The following CPM variants were observed in gnomAD, a reference collection of about 807,000 sequenced individuals.
CPM encodes renal carboxypeptidase.
Under a neutral mutation model 46.4 loss-of-function variants are expected in CPM, and 35 were observed. The observed-to-expected ratio is 0.75, with a 90% CI of 0.58 to 1.00. The LOEUF (loss-of-function observed/expected upper bound fraction) is 1.00, where lower values mean the gene tolerates loss of function less well. CPM is among the 50% of genes least tolerant of loss of function. The pLI is 0.00. For synonymous variants in CPM, 195 were observed against 195.3 expected (o/e 1.00, Z 0.01); for missense variants, 422 against 530.4 (o/e 0.80, Z 2.01).
chr12:68,900,196 A>G (rs1418164074), intron 2 of CPM, among the ~76,000 whole-genome samples: 2 of 152,260 alleles, frequency 1.3e-5, no homozygotes, highest in African/African-American at 4.8e-5. Context: ...AAACAACTCA[A>G]TTAAAAAATG....
intron 1 of CPM, among the ~76,000 whole-genome samples, chr12:68,958,970 C>T (rs796981918): frequency 3.9e-5 from 6 of 152,184 alleles, no homozygotes; most frequent in South Asian, 2.1e-4. Flanking sequence ...CCTTCTTATT[C>T]GGGTTTCAAC....
upstream of CPM, among the ~76,000 whole-genome samples, chr12:68,935,204 C>T (rs1888653713): frequency 6.6e-6 from 1 of 151,504 alleles, no homozygotes; most frequent in South Asian, 2.1e-4. Flanking sequence ...GCCACCGTGC[C>T]TGGCCATCTT....
chr12:68,889,272 T>C (rs1295329938), intron 2 of CPM, among the ~76,000 whole-genome samples: 2 of 152,242 alleles, frequency 1.3e-5, no homozygotes, highest in Non-Finnish European at 2.9e-5. Flanking sequence ...AGTATACTTC[T>C]AATCCACCTT....
intron 2 of CPM, among the ~76,000 whole-genome samples, chr12:68,920,317 G>T (rs1646023389): frequency 6.6e-6 from 1 of 152,114 alleles, no homozygotes; most frequent in Non-Finnish European, 1.5e-5. Context: ...GTTAAACAAT[G>T]GGAAAACTGC....
chr12:68,895,622 C>T lies in CPM; in HGVS notation c.161-9733G>A, dbSNP rs188565231. On this transcript the variant is annotated intron_variant, in intron 2 of 8. Coordinates refer to ENST00000551568, the MANE Select transcript of CPM (RefSeq NM_198320.5). ...CTTATTGCTGATACCTGTGCTTTTTCAGATAGGGGTTCCCAGAACCATAAA... is the reference window on the plus strand; with the variant it reads ...CTTATTGCTGATACCTGTGCTTTTTTAGATAGGGGTTCCCAGAACCATAAA... Among the ~76,000 whole-genome samples, 429 of 152,254 alleles carry T rather than the reference C, an allele frequency of 2.8e-3. 3 individuals are homozygous for T. The highest frequency in any genetic ancestry group is 0.01 in the African/African-American group (416 of 41,544).
intron 1 of CPM, among the ~76,000 whole-genome samples, chr12:68,949,272 G>A (rs1565809567): frequency 6.6e-6 from 1 of 152,206 alleles, no homozygotes; most frequent in Non-Finnish European, 1.5e-5. Context: ...TCAGGGGGCT[G>A]AGGCAAGAGG....
intron 2 of CPM, among the ~76,000 whole-genome samples, chr12:68,925,310 A>G (rs987957525): frequency 1.6e-4 from 24 of 152,314 alleles, no homozygotes; most frequent in Admixed American, 1.2e-3. Flanking sequence ...TAATAATAGC[A>G]GCTTTTACAT....
intron 2 of CPM, among the ~76,000 whole-genome samples, chr12:68,914,364 G>A (rs1382536747): frequency 6.6e-6 from 1 of 150,518 alleles, no homozygotes; most frequent in African/African-American, 2.4e-5. Context: ...AATGTGTAAA[G>A]AGCCTAGCAC....
chr12:68,953,657 G>T (rs981583661), intron 1 of CPM, among the ~76,000 whole-genome samples: 27 of 152,216 alleles, frequency 1.8e-4, no homozygotes, highest in African/African-American at 6.5e-4. Context: ...CCTGATGGTG[G>T]TGCAGCCTGG....
chr12:68,843,007 C>T (rs1883924259), intron 5 of CPM: 1 of 213,484 alleles, frequency 4.7e-6, no homozygotes, highest in South Asian at 1.9e-4. Context: ...ACTTGTCATT[C>T]CTGGTAGAAC....
chr12:68,881,657 T>A (rs1886194019), intron 3 of CPM, among the ~76,000 whole-genome samples: 2 of 152,090 alleles, frequency 1.3e-5, no homozygotes, highest in African/African-American at 4.8e-5. Flanking sequence ...TTTGGGAAGG[T>A]CAGTATATAA....
At chr12:68,907,446 G>A (rs1887399614) in intron 2 of CPM, among the ~76,000 whole-genome samples, 1 of 152,166 alleles carries the variant, frequency 6.6e-6, no homozygotes, top group Non-Finnish European at 1.5e-5. Context: ...GTACCTCATA[G>A]GGTTGTCAGA....
At chr12:68,843,052 A>C (rs1286261984) in intron 5 of CPM, 1 of 218,824 alleles carries the variant, frequency 4.6e-6, no homozygotes, top group African/African-American at 2.2e-5. Context: ...ATGATCTAGA[A>C]GCAGATGTTA....
rs1884833633 is a variant in CPM at position 68,853,747 on chromosome 12, G to A, written c.*2690C>T. On this transcript the variant is annotated 3_prime_UTR_variant, in exon 9 of 9. Coordinates refer to ENST00000551568, the MANE Select transcript of CPM (RefSeq NM_198320.5). Reference sequence around the variant, plus strand: ...AAGAGAAAGAAGGATGGGAAGGGGAGGGAAGGGGAGGGGAGCGGAGGAAAG... The same window carrying A: ...AAGAGAAAGAAGGATGGGAAGGGGAAGGAAGGGGAGGGGAGCGGAGGAAAG... 6.6e-6 allele frequency: 1 copy of A among 151,690 alleles called. No homozygotes were observed. Among genetic ancestry groups the A allele is most frequent in the Admixed American group, 6.6e-5 (1 of 15,166 alleles). 9.4% of individuals were successfully genotyped at this position (151,690 alleles called of 1,614,324 possible). A position where few individuals can be genotyped will look rare whatever the true frequency, so the allele number is the denominator to read the frequency against.
At chr12:68,875,609 G>T (rs1228020994) in intron 3 of CPM, among the ~76,000 whole-genome samples, 3 of 151,634 alleles carry the variant, frequency 2.0e-5, no homozygotes, top group South Asian at 4.2e-4. Context: ...AGTTCGAGAC[G>T]AGCCTGGCCA....
intron 7 of CPM, among the ~76,000 whole-genome samples, chr12:68,861,432 T>A (rs559225036): frequency 5.6e-4 from 85 of 152,330 alleles, no homozygotes; most frequent in African/African-American, 1.7e-3. Context: ...TCTGTTGGCA[T>A]CTTTTGTATT....
At chr12:68,874,880 C>T (rs1885873271) in intron 3 of CPM, among the ~76,000 whole-genome samples, 1 of 152,154 alleles carries the variant, frequency 6.6e-6, no homozygotes, top group Admixed American at 6.5e-5. Flanking sequence ...CTATCTGAAT[C>T]ATACACTCTC....
chr12:68,897,938 C>T (rs1886950923), intron 2 of CPM, among the ~76,000 whole-genome samples: 1 of 151,966 alleles, frequency 6.6e-6, no homozygotes, highest in Admixed American at 6.6e-5. Context: ...CCTTGACCTC[C>T]CAGGGCTCAA....
chr12:68,896,183 C>T (rs1886867621), intron 2 of CPM, among the ~76,000 whole-genome samples: 1 of 152,172 alleles, frequency 6.6e-6, no homozygotes. Flanking sequence ...GTCCTTAGCC[C>T]ACCCCATCAA....
Sources: allele counts gnomAD v4.1 joint callset (sites outside exome capture counted in the v4.1 genomes callset), GRCh38; gene constraint gnomAD v4.1.1; transcripts MANE v1.5; gene names NCBI Gene and HGNC (gene_info 2026-07-23, HGNC 2026-07-21).